ITGA1: variants seen among roughly 807,000 people sequenced by gnomAD.
The protein encoded by ITGA1 is integrin subunit alpha 1.
In ITGA1, 85 loss-of-function variants were observed where a neutral mutation model predicts 145.9. That is an observed-to-expected ratio of 0.58 (90% confidence interval 0.49 to 0.70). The LOEUF is 0.70. Among genes scored for constraint, ITGA1 ranks in the 30% least tolerant of loss-of-function variants. The probability of loss-of-function intolerance (pLI) is 0.00; values close to 1 mark genes in which losing one functional copy is unlikely to be tolerated. For synonymous variants in ITGA1, 520 were observed against 495.3 expected (o/e 1.05, Z -0.66); for missense variants, 1,351 against 1,418.7 (o/e 0.95, Z 0.77).
intron 1 of ITGA1, among the ~76,000 whole-genome samples, chr5:52,830,503 C>T (rs1010285235): frequency 2.0e-5 from 3 of 151,980 alleles, no homozygotes; most frequent in Admixed American, 6.6e-5. Flanking sequence ...AAAAAAATAA[C>T]TTAGTCATTT....
chr5:52,884,761 A>G (rs1419255144), intron 7 of ITGA1, among the ~76,000 whole-genome samples: 1 of 152,184 alleles, frequency 6.6e-6, no homozygotes, highest in Non-Finnish European at 1.5e-5. Flanking sequence ...TATATTCTAA[A>G]CACTTGACAT....
At position 52,948,769 on chromosome 5, in the gene ITGA1, G is replaced by C. The variant is rs555314663; in HGVS notation, c.3495+1308G>C. 5.3e-5 allele frequency: 8 copies of C among 152,288 alleles called. 1 individual carries two copies. The East Asian group carries it at 1.5e-3, about 29-fold the overall frequency. The allele number at this position is 152,288 out of a possible 1,614,324, so 9.4% of individuals were successfully genotyped here. A position where few individuals can be genotyped will look rare whatever the true frequency, so the allele number is the denominator to read the frequency against. On this transcript the variant is annotated intron_variant, in intron 28 of 28. Coordinates refer to ENST00000282588, the MANE Select transcript of ITGA1 (RefSeq NM_181501.2). ...TTCATTTCTATGCACCTCTAATAGA[G>C]AGTGTTACTGTTGATTTTTTTCAGC...
chr5:52,799,959 C>T (rs1278467098), intron 1 of ITGA1: 2 of 209,668 alleles, frequency 9.5e-6, no homozygotes, highest in East Asian at 1.4e-4. Flanking sequence ...CTCTGTGCAC[C>T]TTCTTGAGGG....
At chr5:52,946,824 T>A (rs1380841171) in intron 27 of ITGA1, among the ~76,000 whole-genome samples, 1 of 152,198 alleles carries the variant, frequency 6.6e-6, no homozygotes, top group Non-Finnish European at 1.5e-5. Flanking sequence ...AAGAGCACAC[T>A]GGGAGTGAAT....
chr5:52,801,783 C>T (rs1363512359), intron 1 of ITGA1: 1 of 1,613,934 alleles, frequency 6.2e-7, no homozygotes, highest in Non-Finnish European at 8.5e-7. Flanking sequence ...CCATTCTCCG[C>T]TTCCCTGTTC....
At chr5:52,795,588 A>G (rs1482078601) in intron 1 of ITGA1, among the ~76,000 whole-genome samples, 1 of 151,928 alleles carries the variant, frequency 6.6e-6, no homozygotes, top group African/African-American at 2.4e-5. Context: ...AATAACATAA[A>G]TAACATAAAT....
chr5:52,844,768 C>T (rs971110575), intron 1 of ITGA1, among the ~76,000 whole-genome samples: 3 of 152,098 alleles, frequency 2.0e-5, no homozygotes, highest in African/African-American at 7.2e-5. Context: ...GTCTCTGAAG[C>T]CACCTCTGTG....
At position 52,881,934 on chromosome 5, in the gene ITGA1, C is replaced by T; in HGVS notation, c.686C>T (p.Ser229Phe). 6.2e-7 allele frequency: 1 copy of T among 1,613,732 alleles called. No individual in the cohort carries two copies. Among genetic ancestry groups the T allele is most frequent in the South Asian group, 1.1e-5 (1 of 91,030 alleles). Residue 229 changes from serine to phenylalanine, a missense_variant, in exon 7 of 29, where the codon TCC becomes TTC. Coordinates refer to ENST00000282588, the MANE Select transcript of ITGA1 (RefSeq NM_181501.2). ...THEFNLNKYS[S>F]TEEVLVAAKK... is the part of the protein sequence containing the mutation. Reference sequence around the variant, plus strand: ...GAGTTCAACCTCAATAAGTATTCTTCCACCGAAGAGGTACTTGTTGCAGCA... The same window carrying T: ...GAGTTCAACCTCAATAAGTATTCTTTCACCGAAGAGGTACTTGTTGCAGCA...
chr5:52,954,091 A>C lies in ITGA1; in HGVS notation c.*1640A>C, dbSNP rs776294577. 24 of 152,194 alleles carry C rather than the reference A, an allele frequency of 1.6e-4. No individual in the cohort carries two copies. Among genetic ancestry groups the C allele is most frequent in the Non-Finnish European group, 3.1e-4 (21 of 68,036 alleles). 9.4% of individuals were successfully genotyped at this position (152,194 alleles called of 1,614,324 possible). ...GCCAAAGCCATCAGTAGCTGGAAGAAAGAATACCTCTTTCTAGAGGTTTGG... is the reference window on the plus strand; with the variant it reads ...GCCAAAGCCATCAGTAGCTGGAAGACAGAATACCTCTTTCTAGAGGTTTGG... On this transcript the variant is annotated 3_prime_UTR_variant, in exon 29 of 29. Coordinates refer to ENST00000282588, the MANE Select transcript of ITGA1 (RefSeq NM_181501.2).
intron 1 of ITGA1, among the ~76,000 whole-genome samples, chr5:52,819,707 C>T (rs1748836327): frequency 1.3e-5 from 2 of 152,198 alleles, no homozygotes; most frequent in Non-Finnish European, 1.5e-5. Flanking sequence ...GTGTTTTAGA[C>T]ATGAAGTCCT....
At chr5:52,917,329 A>G (rs1750662344) in intron 15 of ITGA1, among the ~76,000 whole-genome samples, 1 of 152,204 alleles carries the variant, frequency 6.6e-6, no homozygotes, top group African/African-American at 2.4e-5. Context: ...AAGTGTTTAA[A>G]AGCATTCCAA....
At chr5:52,910,050 AC>A (rs1437529389) in intron 13 of ITGA1, 111 bp from the exon 14 acceptor site, 2 of 1,021,640 alleles carry the variant, frequency 2.0e-6, no homozygotes, top group Non-Finnish European at 2.9e-6. Context: ...TACCAACTTT[AC>A]CACTAATGTA....
chr5:52,830,595 T>G (rs541791699), intron 1 of ITGA1, among the ~76,000 whole-genome samples: 1 of 152,208 alleles, frequency 6.6e-6, no homozygotes, highest in Non-Finnish European at 1.5e-5. Context: ...TTTTGAAAAT[T>G]TTCACAAAGT....
intron 1 of ITGA1, among the ~76,000 whole-genome samples, chr5:52,817,953 A>C (rs1748804205): frequency 6.6e-6 from 1 of 152,178 alleles, no homozygotes; most frequent in Non-Finnish European, 1.5e-5. Context: ...TGGTATGGCA[A>C]AAGCAGGTCT....
chr5:52,903,965 T>C (rs1030963052), intron 11 of ITGA1: 54 of 152,430 alleles, frequency 3.5e-4, no homozygotes, highest in African/African-American at 1.3e-3. Context: ...ATCAAGAGAT[T>C]GAAATCTTCG....
At position 52,956,996 on chromosome 5, in the gene ITGA1, T is replaced by C. The variant is rs1333165260; in HGVS notation, c.*4545T>C. On this transcript the variant is annotated 3_prime_UTR_variant, in exon 29 of 29. Transcript: ENST00000282588. ...TTACAAAAGGCTAAATGCTGCTGTT[T>C]CTAAGTGGAAGCACTGTTGAACAAC... 1 of 152,214 alleles carries C rather than the reference T, an allele frequency of 6.6e-6. No homozygotes were observed. Among genetic ancestry groups the C allele is most frequent in the Non-Finnish European group, 1.5e-5 (1 of 68,044 alleles). The allele number at this position is 152,214 out of a possible 1,614,324, so 9.4% of individuals were successfully genotyped here.
intron 8 of ITGA1, 134 bp downstream of exon 8, chr5:52,888,099 G>A (rs1750083420): frequency 1.2e-6 from 1 of 857,442 alleles, no homozygotes; most frequent in African/African-American, 1.7e-5. Flanking sequence ...TAAGCCCTGG[G>A]AGGACAGACT....
chr5:52,955,342 T>C lies in ITGA1; in HGVS notation c.*2891T>C, dbSNP rs1043815880. The C allele has an allele frequency of 9.3e-5, 11 of 118,262 alleles. No homozygotes were observed. Among genetic ancestry groups the C allele is most frequent in the South Asian group, 3.2e-4 (1 of 3,102 alleles). The allele number at this position is 118,262 out of a possible 1,614,324, so 7.3% of individuals were successfully genotyped here. A position where few individuals can be genotyped will look rare whatever the true frequency, so the allele number is the denominator to read the frequency against. On this transcript the variant is annotated 3_prime_UTR_variant, in exon 29 of 29. Coordinates refer to ENST00000282588, the MANE Select transcript of ITGA1 (RefSeq NM_181501.2). ...CACACCACTGAGACAGATTACACGA[T>C]AGACAGATAGATAGATAGATAGATA...
Position 52,955,346 on chromosome 5 carries a change from CA to C in ITGA1, c.*2896del, listed in dbSNP as rs1471563019. On this transcript the variant is annotated 3_prime_UTR_variant, in exon 29 of 29. Transcript: ENST00000282588. The stretch of plus-strand genomic sequence containing the variant: ...CCACTGAGACAGATTACACGATAGA[CA>C]GATAGATAGATAGATAGATAGATAG... 6.8e-6 allele frequency: 1 copy of C among 148,112 alleles called. No homozygotes were observed. The highest frequency in any genetic ancestry group is 2.0e-4 in the East Asian group (1 of 5,066). 9.2% of individuals were successfully genotyped at this position (148,112 alleles called of 1,614,324 possible).
Sources: allele counts gnomAD v4.1 joint callset (sites outside exome capture counted in the v4.1 genomes callset), GRCh38; gene constraint gnomAD v4.1.1; transcripts MANE v1.5; gene names NCBI Gene and HGNC (gene_info 2026-07-23, HGNC 2026-07-21).